Variants in DCT observed in about 807,000 individuals in gnomAD.
The protein encoded by DCT is dopachrome tautomerase.
In DCT, 47 loss-of-function variants were observed where a neutral mutation model predicts 53.0. That is an observed-to-expected ratio of 0.89 (90% CI 0.70 to 1.13). DCT has a LOEUF of 1.13. Among genes scored for constraint, DCT ranks in the 50% most tolerant of loss-of-function variants. The pLI, the probability that DCT is intolerant of heterozygous loss-of-function variation, is 0.00. For synonymous variants in DCT, 244 were observed against 237.0 expected, an observed-to-expected ratio of 1.03 and a Z score of -0.27; for missense variants, 669 against 637.4, an observed-to-expected ratio of 1.05 and a Z score of -0.53.
chr13:94,510,016 G>A, the DCT span, among the ~76,000 whole-genome samples: 3 of 128,906 alleles, frequency 2.3e-5, no homozygotes, highest in Non-Finnish European at 4.7e-5. Context: ...ATGATATTCA[G>A]TTGTAATCTT....
chr13:94,478,967 A>G lies in DCT; in HGVS notation c.289T>C (p.Cys97Arg), dbSNP rs1484696614. Residue 97 changes from cysteine (C) to arginine (R), a missense_variant, in exon 1 of 8, where the codon TGC (cysteine) becomes CGC (arginine). Cys to Arg is a radical substitution (Grantham distance 180). Transcript: ENST00000377028. ...CTTGGAGCATGGGCCTCACCTGTGC[A>G]CTTGCAGGTCCGGTGGAAGAATTTT... Reference protein sequence around the residue: ...PRKFFHRTCKCTGNFAGYNCG... With the variant: ...PRKFFHRTCKRTGNFAGYNCG... 6.2e-7 allele frequency: 1 copy of G among 1,608,602 alleles called. No individual in the cohort carries two copies. The highest frequency in any genetic ancestry group is 8.5e-7 in the Non-Finnish European group (1 of 1,176,320).
At chr13:94,519,320 A>G in the DCT span, among the ~76,000 whole-genome samples, 16 of 152,310 alleles carry the variant, frequency 1.1e-4, no homozygotes, top group South Asian at 3.3e-3. Context: ...CACCTAGAAC[A>G]GTGCTTGGGC....
intron 6 of DCT, among the ~76,000 whole-genome samples, chr13:94,448,084 C>T (rs113595667): frequency 5.3e-5 from 8 of 152,136 alleles, no homozygotes; most frequent in African/African-American, 1.9e-4. Flanking sequence ...CCCATTTCTA[C>T]AAAAATTTAA....
chr13:94,464,890 GTCC>G (rs529827962), intron 4 of DCT, among the ~76,000 whole-genome samples: 284 of 152,178 alleles, frequency 1.9e-3, no homozygotes, highest in South Asian at 7.3e-3. Flanking sequence ...CCAAGCCCCT[GTCC>G]TCCTCAACTC....
the DCT span, among the ~76,000 whole-genome samples, chr13:94,546,747 AT>A: frequency 6.6e-6 from 1 of 152,144 alleles, no homozygotes; most frequent in Non-Finnish European, 1.5e-5. The surrounding 1 kb of genome is among the most constrained non-coding windows in gnomAD (Gnocchi z 4.2). Context: ...GAAACTGGTC[AT>A]CATCAGTTTC....
chr13:94,465,971 TATATATATATATATA>T (rs1884174992), intron 3 of DCT, among the ~76,000 whole-genome samples, 172 bp from the exon 4 acceptor site: 2 of 2,590 alleles, frequency 7.7e-4, no homozygotes, highest in South Asian at 0.011. Context: ...GTATATTTTA[TATATATATATATATA>T]TATATATATA....
chr13:94,494,014 A>C, the DCT span, among the ~76,000 whole-genome samples: 1 of 152,200 alleles, frequency 6.6e-6, no homozygotes, highest in Non-Finnish European at 1.5e-5. Flanking sequence ...AATAAAGGCT[A>C]TTAATTTTTT....
intron 6 of DCT, among the ~76,000 whole-genome samples, chr13:94,453,418 T>C (rs181477328): frequency 6.6e-6 from 1 of 152,268 alleles, no homozygotes; most frequent in East Asian, 1.9e-4. Flanking sequence ...AATATAAAAA[T>C]CATAAACCAA....
chr13:94,516,477 T>G, the DCT span, among the ~76,000 whole-genome samples: 2 of 152,164 alleles, frequency 1.3e-5, no homozygotes, highest in African/African-American at 2.4e-5. Flanking sequence ...AAAAAACTTT[T>G]TAAGAGAATA....
At chr13:94,488,274 C>A in the DCT span, among the ~76,000 whole-genome samples, 1 of 152,048 alleles carries the variant, frequency 6.6e-6, no homozygotes, top group Non-Finnish European at 1.5e-5. Context: ...CAATTCTGAT[C>A]AAATCCAGAA....
chr13:94,510,515 A>G, the DCT span, among the ~76,000 whole-genome samples: 1 of 152,254 alleles, frequency 6.6e-6, no homozygotes, highest in Non-Finnish European at 1.5e-5. Flanking sequence ...CTTAATTTTC[A>G]TACTGAGCAC....
the DCT span, among the ~76,000 whole-genome samples, chr13:94,533,985 G>A: frequency 6.6e-6 from 1 of 152,024 alleles, no homozygotes; most frequent in Non-Finnish European, 1.5e-5. Context: ...TTTGAGTGTA[G>A]GTTGACTGAC....
At chr13:94,502,500 A>T in the DCT span, among the ~76,000 whole-genome samples, 3 of 151,736 alleles carry the variant, frequency 2.0e-5, no homozygotes, top group African/African-American at 7.3e-5. Context: ...TTTCCATTTA[A>T]TCCTTAACTA....
chr13:94,480,595 C>T (rs1885400552), upstream of DCT, among the ~76,000 whole-genome samples: 2 of 152,172 alleles, frequency 1.3e-5, no homozygotes, highest in Admixed American at 1.3e-4. Context: ...TATTCCCACC[C>T]CCTGTACCTC....
the DCT span, among the ~76,000 whole-genome samples, chr13:94,519,736 C>A: frequency 2.0e-5 from 3 of 152,140 alleles, no homozygotes; most frequent in Non-Finnish European, 4.4e-5. Context: ...CCAGTGGTTG[C>A]CTTGATTCAC....
chr13:94,451,646 C>T (rs1296781723), intron 6 of DCT, among the ~76,000 whole-genome samples: 1 of 152,082 alleles, frequency 6.6e-6, no homozygotes, highest in Non-Finnish European at 1.5e-5. Context: ...CGCATAGGGG[C>T]CATCACAGAA....
At chr13:94,542,967 T>A in the DCT span, among the ~76,000 whole-genome samples, 1 of 152,220 alleles carries the variant, frequency 6.6e-6, no homozygotes, top group Non-Finnish European at 1.5e-5. Flanking sequence ...GACGTTTTCA[T>A]ACATTAGCTT....
the DCT span, among the ~76,000 whole-genome samples, chr13:94,492,824 A>T: frequency 1.3e-5 from 2 of 152,222 alleles, no homozygotes; most frequent in African/African-American, 4.8e-5. Flanking sequence ...AGATGAAAAT[A>T]TTCATTCCTT....
intron 6 of DCT, among the ~76,000 whole-genome samples, chr13:94,459,861 C>T (rs1316248334): frequency 6.6e-6 from 1 of 152,142 alleles, no homozygotes; most frequent in African/African-American, 2.4e-5. Context: ...GAATTGTAAA[C>T]TCTTGTCTAA....
Sources: allele counts gnomAD v4.1 joint callset (sites outside exome capture counted in the v4.1 genomes callset), GRCh38; gene constraint gnomAD v4.1.1; non-coding constraint Gnocchi (gnomAD v3.1); transcripts MANE v1.5; gene names NCBI Gene and HGNC (gene_info 2026-07-23, HGNC 2026-07-21).